PCDHGA8: variants seen among roughly 807,000 people sequenced by gnomAD.
PCDHGA8 encodes protocadherin gamma subfamily A, 8.
Under a neutral mutation model 59.2 loss-of-function variants are expected in PCDHGA8, and 45 were observed. The observed-to-expected ratio is 0.76, with a 90% CI of 0.60 to 0.98. The LOEUF is 0.98. PCDHGA8 is among the 50% of genes least tolerant of loss of function. The probability of loss-of-function intolerance (pLI) is 0.00; values close to 1 mark genes in which losing one functional copy is unlikely to be tolerated. For missense variants in PCDHGA8, 1,257 were observed against 1,196.2 expected (o/e 1.05, Z -0.75); for synonymous variants, 531 against 519.0 (o/e 1.02, Z -0.32).
Position 141,486,277 on chromosome 5 carries a change from G to A in PCDHGA8, c.2425-8530G>A, listed in dbSNP as rs1156704202. 6.2e-7 allele frequency: 1 copy of A among 1,614,020 alleles called. No individual in the cohort carries two copies. The highest frequency in any genetic ancestry group is 1.1e-5 in the South Asian group (1 of 91,056). ...CCGAGAGTGCAGAACCTGGCACTGT[G>A]GTGGCACTTATCAGTGTGCAGGATC... On this transcript the variant is annotated intron_variant, in intron 1 of 3. Transcript: ENST00000398604. The surrounding 1 kb of genome is among the most constrained non-coding windows in gnomAD (Gnocchi z 5.0).
Position 141,399,408 on chromosome 5 carries a change from C to G in PCDHGA8, c.2424+4171C>G, listed in dbSNP as rs373563586. On this transcript the variant is annotated intron_variant, in intron 1 of 3. Coordinates refer to ENST00000398604, the MANE Select transcript of PCDHGA8 (RefSeq NM_032088.2). ...CAGCCACAGACAGGGGCAAGCCGCC[C>G]CTCTCCTCCAGCATAAGCGTCATCC... 20 of 1,613,888 alleles carry G rather than the reference C, an allele frequency of 1.2e-5. No individual in the cohort carries two copies. In the East Asian group the frequency reaches 3.8e-4, roughly 31 times the overall value.
At position 141,497,121 on chromosome 5, in the gene PCDHGA8, G is replaced by T. The variant is rs185298630; in HGVS notation, c.2483+2256G>T. Among the ~76,000 whole-genome samples, 563 of 152,212 alleles carry T rather than the reference G, an allele frequency of 3.7e-3. 5 individuals are homozygous for T. The highest frequency in any genetic ancestry group is 0.011 in the Admixed American group (164 of 15,296). On this transcript the variant is annotated intron_variant, in intron 2 of 3. Coordinates refer to ENST00000398604, the MANE Select transcript of PCDHGA8 (RefSeq NM_032088.2). Reference sequence around the variant, plus strand: ...GAACTGCTTGAACCCGGAAGGCAGAGGTTGCAGTGAGCTGAGATCACGAAA... The same window carrying T: ...GAACTGCTTGAACCCGGAAGGCAGATGTTGCAGTGAGCTGAGATCACGAAA...
intron 2 of PCDHGA8, among the ~76,000 whole-genome samples, chr5:141,496,392 C>T (rs6879760): frequency 0.064 from 9,762 of 152,240 alleles, 510 homozygotes; most frequent in African/African-American, 0.15. Context: ...CCTTACCCTA[C>T]CTCCTCAATG....
intron 1 of PCDHGA8, among the ~76,000 whole-genome samples, chr5:141,424,873 A>G (rs549945556): frequency 3.9e-5 from 6 of 152,198 alleles, no homozygotes; most frequent in Non-Finnish European, 8.8e-5. Context: ...CAAATGAGGA[A>G]AGGAGACTTA....
chr5:141,407,947 G>C (rs910743144), intron 1 of PCDHGA8: 7 of 561,352 alleles, frequency 1.2e-5, no homozygotes, highest in South Asian at 3.4e-5. Context: ...CGCCGCTGTC[G>C]GCCAGTGCAG....
At chr5:141,502,356 G>C (rs1443285213) in intron 2 of PCDHGA8, among the ~76,000 whole-genome samples, 4 of 151,838 alleles carry the variant, frequency 2.6e-5, no homozygotes. Flanking sequence ...TAATGACATG[G>C]ATATTTTTAA....
At chr5:141,448,822 G>A (rs924937891) in intron 1 of PCDHGA8, among the ~76,000 whole-genome samples, 4 of 152,048 alleles carry the variant, frequency 2.6e-5, no homozygotes, top group African/African-American at 9.7e-5. Context: ...GCGGGCGCCT[G>A]TAGTCCCAGC....
At position 141,431,376 on chromosome 5, in the gene PCDHGA8, C is replaced by T. The variant is rs558222633; in HGVS notation, c.2424+36139C>T. The T allele has an allele frequency of 1.2e-6, 2 of 1,613,436 alleles. No homozygotes were observed. Among genetic ancestry groups the T allele is most frequent in the African/African-American group, 2.7e-5 (2 of 75,070 alleles). On this transcript the variant is annotated intron_variant, in intron 1 of 3. Coordinates refer to ENST00000398604, the MANE Select transcript of PCDHGA8 (RefSeq NM_032088.2). The surrounding 1 kb of genome is among the most constrained non-coding windows in gnomAD (Gnocchi z 4.8). Reference sequence around the variant, plus strand: ...CGCGCCCTGGACCGCGAAGAAAAGGCTGCTCACCACCTGGTCCTTACGGCC... The same window carrying T: ...CGCGCCCTGGACCGCGAAGAAAAGGTTGCTCACCACCTGGTCCTTACGGCC...
intron 1 of PCDHGA8, chr5:141,408,411 C>T (rs2095101928): frequency 1.2e-6 from 2 of 1,614,034 alleles, no homozygotes; most frequent in African/African-American, 1.3e-5. Context: ...CGAGTGAGCG[C>T]GGAGAAGCTG....
At chr5:141,397,904 G>A in intron 1 of PCDHGA8, 1 of 657,312 alleles carries the variant, frequency 1.5e-6, no homozygotes, top group Non-Finnish European at 2.5e-6. Flanking sequence ...TGCAGAGCTT[G>A]GCGCTCCAGA....
rs575694126 is a variant in PCDHGA8 at position 141,399,993 on chromosome 5, G to A, written c.2424+4756G>A. 3.1e-5 allele frequency: 50 copies of A among 1,612,336 alleles called. 1 individual carries two copies. Among genetic ancestry groups the A allele is most frequent in the Middle Eastern group, 1.8e-4 (1 of 5,462 alleles). On this transcript the variant is annotated intron_variant, in intron 1 of 3. Transcript: ENST00000398604. ...GCCTGGGGCTGCGCACAGGAGAGGT[G>A]CGCACAGCGCGTGCCTTGGGCGACA...
intron 1 of PCDHGA8, among the ~76,000 whole-genome samples, chr5:141,481,126 A>G (rs2099532217): frequency 6.6e-6 from 1 of 152,222 alleles, no homozygotes. Context: ...CATTTAGCAT[A>G]TTTGTGAAGT....
chr5:141,476,016 G>A lies in PCDHGA8; in HGVS notation c.2425-18791G>A. 7.4e-7 allele frequency: 1 copy of A among 1,359,386 alleles called. No individual in the cohort carries two copies. 84.2% of individuals were successfully genotyped at this position (1,359,386 alleles called of 1,614,324 possible). A position where few individuals can be genotyped will look rare whatever the true frequency, so the allele number is the denominator to read the frequency against. On this transcript the variant is annotated intron_variant, in intron 1 of 3. Coordinates refer to ENST00000398604, the MANE Select transcript of PCDHGA8 (RefSeq NM_032088.2). This position sits in a 1 kb window ranked among gnomAD's most constrained non-coding sequence, Gnocchi z 7.6. ...TCAACGGCATCCAGAAAGCCATGTC[G>A]GACTCGGCGCCCAGCGCCCAAGCGC...
chr5:141,502,470 G>A (rs1017558920), intron 2 of PCDHGA8, among the ~76,000 whole-genome samples: 5 of 150,916 alleles, frequency 3.3e-5, no homozygotes, highest in Admixed American at 2.6e-4. Flanking sequence ...AATACTTCCC[G>A]CAGCATCACA....
chr5:141,481,348 T>C (rs2099536105), intron 1 of PCDHGA8, among the ~76,000 whole-genome samples: 1 of 152,250 alleles, frequency 6.6e-6, no homozygotes, highest in Non-Finnish European at 1.5e-5. Flanking sequence ...TATTTAAACA[T>C]CTACAGCTGT....
At chr5:141,444,804 A>G (rs140326088) in intron 1 of PCDHGA8, among the ~76,000 whole-genome samples, 1 of 152,250 alleles carries the variant, frequency 6.6e-6, no homozygotes, top group Non-Finnish European at 1.5e-5. Flanking sequence ...TCTTTTACTA[A>G]TAGCACACTG....
chr5:141,472,454 C>T (rs538141635), intron 1 of PCDHGA8, among the ~76,000 whole-genome samples: 3 of 151,192 alleles, frequency 2.0e-5, no homozygotes, highest in South Asian at 4.2e-4. Context: ...GCAGGAGAAT[C>T]GCTTGAACCC....
At chr5:141,467,055 CTT>C (rs1193465269) in intron 1 of PCDHGA8, among the ~76,000 whole-genome samples, 47 of 134,388 alleles carry the variant, frequency 3.5e-4, no homozygotes, top group Admixed American at 6.0e-4. Context: ...TCAATGTTTT[CTT>C]TTTTTTTTTT....
At position 141,413,207 on chromosome 5, in the gene PCDHGA8, C is replaced by T. The variant is rs563279284; in HGVS notation, c.2424+17970C>T. The T allele has an allele frequency of 4.7e-5, 76 of 1,612,874 alleles. 2 individuals carry two copies. The South Asian group carries it at 7.6e-4, about 16-fold the overall frequency. ...GCTCAAAGGAATCGCTCAAAGGAAT[C>T]AAAGGATTGCAGCGGGCTGGTCCTG... On this transcript the variant is annotated intron_variant, in intron 1 of 3. Coordinates refer to ENST00000398604, the MANE Select transcript of PCDHGA8 (RefSeq NM_032088.2).
Sources: allele counts gnomAD v4.1 joint callset (sites outside exome capture counted in the v4.1 genomes callset), GRCh38; gene constraint gnomAD v4.1.1; non-coding constraint Gnocchi (gnomAD v3.1); transcripts MANE v1.5; gene names NCBI Gene and HGNC (gene_info 2026-07-23, HGNC 2026-07-21).